STK31: variants seen among roughly 807,000 people sequenced by gnomAD.
STK31 encodes the protein serine/threonine-protein kinase 31.
In STK31, 89 loss-of-function variants were observed where a neutral mutation model predicts 129.7. The ratio of observed to expected loss-of-function variants is 0.69; its 90% CI spans 0.58 to 0.82. The LOEUF (loss-of-function observed/expected upper bound fraction) is 0.82, where lower values mean the gene tolerates loss of function less well. Among genes scored for constraint, STK31 ranks in the 40% least tolerant of loss-of-function variants. STK31 has a pLI of 0.00. For missense variants in STK31, 1,187 were observed against 1,176.4 expected, an observed-to-expected ratio of 1.01 and a Z score of -0.13; for synonymous variants, 448 against 395.3, an observed-to-expected ratio of 1.13 and a Z score of -1.58.
chr7:23,808,698 G>T (rs113156189), intron 22 of STK31, among the ~76,000 whole-genome samples: 2,137 of 152,140 alleles, frequency 0.014, 41 homozygotes, highest in African/African-American at 0.049. Context: ...TTCCCTGTTT[G>T]GCTTCATGGA....
intron 23 of STK31, among the ~76,000 whole-genome samples, chr7:23,828,136 C>T (rs888793590): frequency 3.9e-5 from 6 of 152,144 alleles, no homozygotes; most frequent in Non-Finnish European, 7.3e-5. Flanking sequence ...GACAGGGACA[C>T]TTAAGTCTGC....
intron 11 of STK31, among the ~76,000 whole-genome samples, chr7:23,766,744 T>C (rs930927365): frequency 6.6e-6 from 1 of 152,226 alleles, no homozygotes; most frequent in Non-Finnish European, 1.5e-5. Context: ...TACTTGATAA[T>C]TATTTATTGA....
intron 23 of STK31, among the ~76,000 whole-genome samples, chr7:23,821,161 AAGT>A (rs1793765025): frequency 6.6e-6 from 1 of 152,180 alleles, no homozygotes; most frequent in Non-Finnish European, 1.5e-5. Context: ...GATAACTATC[AAGT>A]AGTGGGATTA....
In STK31 at chr7:23,718,594, A is replaced by G. The variant is rs181519786; in HGVS notation, c.249+1015A>G. 1.3e-4 allele frequency among the ~76,000 whole-genome samples: 20 copies of G among 152,212 alleles called. No individual in the cohort carries two copies. The East Asian group carries it at 3.9e-3, about 29-fold the overall frequency. Reference sequence around the variant, plus strand: ...TCTGTTCTTAAATCATGGAGTATGTAGTTTATTGTATGTATCTGGCTTCTT... The same window carrying G: ...TCTGTTCTTAAATCATGGAGTATGTGGTTTATTGTATGTATCTGGCTTCTT... On this transcript the variant is annotated intron_variant, in intron 4 of 23. Transcript: ENST00000355870.
intron 22 of STK31, among the ~76,000 whole-genome samples, chr7:23,803,727 C>G (rs971608670): frequency 6.6e-6 from 1 of 152,202 alleles, no homozygotes; most frequent in Non-Finnish European, 1.5e-5. Flanking sequence ...CTGCCCCTCT[C>G]CTTCCTCCTA....
chr7:23,798,612 A>C (rs1792157977), intron 22 of STK31, among the ~76,000 whole-genome samples: 1 of 152,140 alleles, frequency 6.6e-6, no homozygotes. Flanking sequence ...AAAATAATAA[A>C]AGGTATTCAT....
chr7:23,820,067 T>C (rs1038673536), intron 23 of STK31, among the ~76,000 whole-genome samples: 5 of 152,238 alleles, frequency 3.3e-5, no homozygotes, highest in African/African-American at 1.2e-4. Flanking sequence ...ATAAAATTTA[T>C]TTGTTCGTAT....
At chr7:23,717,246 G>C (rs1447014492) in intron 3 of STK31, among the ~76,000 whole-genome samples, 1 of 150,336 alleles carries the variant, frequency 6.7e-6, no homozygotes, top group Admixed American at 6.6e-5. Flanking sequence ...ATTATATTTG[G>C]TATCTTGTTT....
intron 15 of STK31, among the ~76,000 whole-genome samples, chr7:23,772,775 A>C (rs1790282305): frequency 6.6e-6 from 1 of 152,190 alleles, no homozygotes; most frequent in Admixed American, 6.5e-5. Flanking sequence ...AGGATGCCCT[A>C]ATCTGGACTA....
intron 22 of STK31, among the ~76,000 whole-genome samples, chr7:23,794,444 T>G (rs1237469779): frequency 6.6e-6 from 1 of 152,208 alleles, no homozygotes; most frequent in Non-Finnish European, 1.5e-5. Context: ...TTACCCAGTC[T>G]TGGGGATGTC....
chr7:23,723,005 A>G (rs1786818478), intron 4 of STK31: 1 of 152,194 alleles, frequency 6.6e-6, no homozygotes, highest in Admixed American at 6.5e-5. Context: ...TTTGCTAGGA[A>G]AGGGAATTCT....
chr7:23,812,741 C>G (rs140375424), intron 22 of STK31, among the ~76,000 whole-genome samples: 2 of 151,752 alleles, frequency 1.3e-5, no homozygotes, highest in East Asian at 3.9e-4. Context: ...TTATTTAGCT[C>G]CTACTTATAA....
At position 23,762,800 on chromosome 7, in the gene STK31, G is replaced by T. The variant is rs760938019; in HGVS notation, c.1294-1G>T. 3 of 1,609,510 alleles carry T rather than the reference G, an allele frequency of 1.9e-6. No homozygotes were observed. Among genetic ancestry groups the T allele is most frequent in the Non-Finnish European group, 2.5e-6 (3 of 1,178,614 alleles). On this transcript the variant is annotated splice_acceptor_variant, in intron 10 of 23. Coordinates refer to ENST00000355870, the MANE Select transcript of STK31 (RefSeq NM_031414.5). LOFTEE classifies it high-confidence loss of function. ...TGGTTATTCTTTTTTTCTTCCTCCA[G>T]AGTGAAGGGAATATTTTGATTGCCC...
intron 22 of STK31, among the ~76,000 whole-genome samples, chr7:23,799,782 C>T (rs1054646683): frequency 2.0e-5 from 3 of 151,998 alleles, no homozygotes; most frequent in African/African-American, 7.2e-5. Context: ...CAGAAGTGAA[C>T]ACATCAGAGT....
intron 3 of STK31, 46 bp from the exon 4 acceptor site, chr7:23,717,428 AACACTGT>A: frequency 7.7e-7 from 1 of 1,301,576 alleles, no homozygotes; most frequent in Non-Finnish European, 1.1e-6. Context: ...TCAAGCGTGT[AACACTGT>A]AAAATAATAT....
At chr7:23,732,150 A>C (rs1166242835) in intron 6 of STK31, among the ~76,000 whole-genome samples, 1 of 151,860 alleles carries the variant, frequency 6.6e-6, no homozygotes, top group Non-Finnish European at 1.5e-5. Context: ...CTGTATAAAA[A>C]ATACAAAAAA....
chr7:23,806,680 C>T (rs984129531), intron 22 of STK31, among the ~76,000 whole-genome samples: 46 of 152,010 alleles, frequency 3.0e-4, no homozygotes, highest in Non-Finnish European at 1.5e-5. Context: ...GCGGGTGGAT[C>T]ACGAGGTCAG....
intron 8 of STK31, among the ~76,000 whole-genome samples, chr7:23,741,451 TAA>T (rs139473844): frequency 0.015 from 2,220 of 152,230 alleles, 41 homozygotes; most frequent in African/African-American, 0.049. Context: ...TAGAACTTGA[TAA>T]ATTTTGACGT....
At position 23,729,178 on chromosome 7, in the gene STK31, A is replaced by G. The variant is rs1787250988; in HGVS notation, c.412A>G (p.Ser138Gly). Residue 138 changes from serine (S) to glycine (G), a missense_variant, in exon 6 of 24, where the codon AGT becomes GGT. Ser to Gly is a moderately conservative substitution (Grantham distance 56). Transcript: ENST00000355870. Reference sequence around the variant, plus strand: ...AATTCCTTTGGAGCTGCAGTTTTCTAGTGTTGCCAAAAAGTATAAACTTTG... The same window carrying G: ...AATTCCTTTGGAGCTGCAGTTTTCTGGTGTTGCCAAAAAGTATAAACTTTG... ...VEIPLELQFS[S>G]VAKKYKLWGL... 1 of 1,612,202 alleles carries G rather than the reference A, an allele frequency of 6.2e-7. No individual in the cohort carries two copies. The highest frequency in any genetic ancestry group is 8.5e-7 in the Non-Finnish European group (1 of 1,179,676).
Sources: allele counts gnomAD v4.1 joint callset (sites outside exome capture counted in the v4.1 genomes callset), GRCh38; gene constraint gnomAD v4.1.1; transcripts MANE v1.5; gene names NCBI Gene and HGNC (gene_info 2026-07-23, HGNC 2026-07-21).